NPNT: variants seen among roughly 807,000 people sequenced by gnomAD.
The protein encoded by NPNT is nephronectin.
In NPNT, 45 loss-of-function variants were observed where a neutral mutation model predicts 68.6. The ratio of observed to expected loss-of-function variants is 0.66; its 90% CI spans 0.52 to 0.84. The LOEUF (loss-of-function observed/expected upper bound fraction) is 0.84. Ranked by LOEUF, NPNT falls within the 40% of genes least tolerant of loss-of-function variation. The pLI is 0.00. For synonymous variants in NPNT, 233 were observed against 253.3 expected, an observed-to-expected ratio of 0.92 and a Z score of 0.76; for missense variants, 672 against 714.8, an observed-to-expected ratio of 0.94 and a Z score of 0.68.
intron 4 of NPNT, 35 bp downstream of exon 4, chr4:105,937,163 T>C (rs1303338648): frequency 2.5e-6 from 4 of 1,609,162 alleles, no homozygotes; most frequent in Non-Finnish European, 3.4e-6. Flanking sequence ...TATAAGTGCT[T>C]TGGGCTTGTT....
chr4:105,916,468 C>T (rs1325290045), intron 2 of NPNT, among the ~76,000 whole-genome samples: 1 of 152,014 alleles, frequency 6.6e-6, no homozygotes, highest in African/African-American at 2.4e-5. Context: ...GCAATCCACG[C>T]ACCTTGGCCT....
chr4:105,935,790 G>T (rs1053398780), intron 3 of NPNT, among the ~76,000 whole-genome samples: 6 of 152,100 alleles, frequency 3.9e-5, no homozygotes, highest in Non-Finnish European at 8.8e-5. Context: ...TTTTTTAGAT[G>T]TAATAATTAT....
chr4:105,936,974 T>C (rs1410566418), intron 3 of NPNT, 35 bp from the exon 4 acceptor site: 2 of 1,597,430 alleles, frequency 1.3e-6, no homozygotes, highest in Non-Finnish European at 1.7e-6. Context: ...GCTGAGGTTT[T>C]GTAATTTTTC....
intron 2 of NPNT, among the ~76,000 whole-genome samples, chr4:105,915,399 G>A (rs1005243970): frequency 3.3e-5 from 5 of 152,122 alleles, no homozygotes; most frequent in Non-Finnish European, 7.4e-5. Flanking sequence ...CATGGGCTTG[G>A]CAGACAGACT....
At chr4:105,967,493 A>G (rs1419319389) in intron 11 of NPNT, 49 bp downstream of exon 11, 1 of 1,486,432 alleles carries the variant, frequency 6.7e-7, no homozygotes, top group South Asian at 1.4e-5. Context: ...TTCCTTTCAT[A>G]GGAGAACTCT....
intron 3 of NPNT, among the ~76,000 whole-genome samples, chr4:105,930,489 G>T (rs1243158483): frequency 6.6e-6 from 1 of 152,140 alleles, no homozygotes; most frequent in Non-Finnish European, 1.5e-5. Context: ...AGAGAAAATT[G>T]TTGATAGTGC....
At chr4:105,915,863 C>T (rs942677471) in intron 2 of NPNT, among the ~76,000 whole-genome samples, 11 of 152,178 alleles carry the variant, frequency 7.2e-5, no homozygotes, top group African/African-American at 2.7e-4. Context: ...CCTTTTCCTT[C>T]GTCAACTTCA....
intron 2 of NPNT, among the ~76,000 whole-genome samples, chr4:105,915,184 A>G (rs1184401579): frequency 6.6e-6 from 1 of 152,124 alleles, no homozygotes; most frequent in Admixed American, 6.6e-5. Flanking sequence ...TAGCTGGCCC[A>G]TTTGGAAGAA....
intron 10 of NPNT, among the ~76,000 whole-genome samples, chr4:105,959,723 A>G (rs1731544919): frequency 6.6e-6 from 1 of 151,826 alleles, no homozygotes; most frequent in Non-Finnish European, 1.5e-5. Context: ...TAAATTGCAC[A>G]ATTCCTATTA....
intron 3 of NPNT, among the ~76,000 whole-genome samples, chr4:105,935,122 G>T (rs1273471232): frequency 6.6e-6 from 1 of 152,102 alleles, no homozygotes; most frequent in Admixed American, 6.6e-5. Flanking sequence ...AAAAGTTTCT[G>T]TTATGCTTTG....
chr4:105,898,328 GTCTCTCTCTCTCTCTCTCTC>G (rs66945682), intron 2 of NPNT, among the ~76,000 whole-genome samples: 41 of 53,990 alleles, frequency 7.6e-4, no homozygotes, highest in South Asian at 2.5e-3. Context: ...CTCTCTCTCT[GTCTCTCTCTCTCTCTCTCTC>G]TCTCTCTCTC....
chr4:105,968,179 A>G (rs763562585), intron 11 of NPNT, among the ~76,000 whole-genome samples: 14 of 152,222 alleles, frequency 9.2e-5, no homozygotes, highest in Non-Finnish European at 1.9e-4. Context: ...ATAAGAAACC[A>G]TTTTAGAAAG....
intron 2 of NPNT, among the ~76,000 whole-genome samples, chr4:105,918,923 G>GT (rs1181438953): frequency 6.3e-4 from 96 of 152,172 alleles, no homozygotes; most frequent in African/African-American, 2.2e-3. Flanking sequence ...TGAGTTTACT[G>GT]GTTTTTAAAT....
chr4:105,964,512 C>G (rs1731966575), intron 10 of NPNT, among the ~76,000 whole-genome samples: 1 of 152,098 alleles, frequency 6.6e-6, no homozygotes, highest in South Asian at 2.1e-4. Context: ...ACACTTCTTC[C>G]TACAATATTT....
intron 2 of NPNT, among the ~76,000 whole-genome samples, chr4:105,905,353 G>T (rs181402582): frequency 6.6e-6 from 1 of 152,140 alleles, no homozygotes; most frequent in Non-Finnish European, 1.5e-5. Flanking sequence ...CATACTAAGA[G>T]CAAGACAGCA....
rs1354239072 is a variant in NPNT at position 105,942,411 on chromosome 4, G to A, written c.868G>A (p.Val290Ile). The change falls in exon 8 of 12, where the codon GTT (valine) becomes ATT (isoleucine). Residue 290 changes from valine to isoleucine, a missense_variant. Physicochemically the swap from Val to Ile is conservative, Grantham distance 29. Coordinates refer to ENST00000379987, the MANE Select transcript of NPNT (RefSeq NM_001033047.3). The stretch of plus-strand genomic sequence containing the variant: ...AGGAAATAATAATTGGATTCCTGAT[G>A]TTGGAAGTACTTGGTGGCCTCCGAA... ...DTGNNNWIPDVGSTWWPPKTP... is the reference protein window; with the variant it reads ...DTGNNNWIPDIGSTWWPPKTP... 1.2e-6 allele frequency: 2 copies of A among 1,613,846 alleles called. No individual in the cohort carries two copies. Among genetic ancestry groups the A allele is most frequent in the Admixed American group, 3.3e-5 (2 of 59,936 alleles).
chr4:105,908,446 G>A (rs959653285), intron 2 of NPNT, among the ~76,000 whole-genome samples: 1 of 152,142 alleles, frequency 6.6e-6, no homozygotes, highest in Non-Finnish European at 1.5e-5. Flanking sequence ...ACTCTGAAAT[G>A]TTAGGAAATA....
intron 2 of NPNT, among the ~76,000 whole-genome samples, chr4:105,909,851 A>G (rs567101215): frequency 6.6e-6 from 1 of 152,292 alleles, no homozygotes; most frequent in East Asian, 1.9e-4. Flanking sequence ...CCTGGCATTT[A>G]TCACCTTTAA....
intron 10 of NPNT, among the ~76,000 whole-genome samples, chr4:105,964,648 A>G (rs1204540039): frequency 6.6e-6 from 1 of 152,066 alleles, no homozygotes; most frequent in African/African-American, 2.4e-5. Flanking sequence ...ACATTTTCAT[A>G]TATTTGTCAT....
Sources: allele counts gnomAD v4.1 joint callset (sites outside exome capture counted in the v4.1 genomes callset), GRCh38; gene constraint gnomAD v4.1.1; transcripts MANE v1.5; gene names NCBI Gene and HGNC (gene_info 2026-07-23, HGNC 2026-07-21).